CTNND2: variants seen among roughly 807,000 people sequenced by gnomAD.
The protein encoded by CTNND2 is catenin delta 2.
In CTNND2, 22 loss-of-function variants were observed where a neutral mutation model predicts 144.4. The observed-to-expected ratio is 0.15, with a 90% CI of 0.11 to 0.22. The LOEUF (loss-of-function observed/expected upper bound fraction) is 0.22. CTNND2 is among the 10% of genes least tolerant of loss of function. The probability of loss-of-function intolerance (pLI) is 1.00; values close to 1 mark genes in which losing one functional copy is unlikely to be tolerated. For synonymous variants in CTNND2, 751 were observed against 695.6 expected, an observed-to-expected ratio of 1.08 and a Z score of -1.25; for missense variants, 1,353 against 1,618.8, an observed-to-expected ratio of 0.84 and a Z score of 2.82.
intron 1 of CTNND2, among the ~76,000 whole-genome samples, chr5:11,778,777 G>A (rs562532989): frequency 6.6e-6 from 1 of 152,192 alleles, no homozygotes. Flanking sequence ...GCTACACTTA[G>A]TAATAATGCA....
At chr5:11,434,804 G>T (rs1763613058) in intron 3 of CTNND2, among the ~76,000 whole-genome samples, 1 of 152,062 alleles carries the variant, frequency 6.6e-6, no homozygotes, top group Admixed American at 6.5e-5. Context: ...TAATAGTATA[G>T]GAAAAGAATG....
intron 1 of CTNND2, among the ~76,000 whole-genome samples, chr5:11,787,120 T>C (rs923441176): frequency 6.6e-6 from 1 of 152,214 alleles, no homozygotes; most frequent in Admixed American, 6.5e-5. Flanking sequence ...GGACAAGTTA[T>C]TAAAGTCCCT....
intron 1 of CTNND2, among the ~76,000 whole-genome samples, chr5:11,872,407 G>A (rs1002804043): frequency 6.6e-6 from 1 of 152,250 alleles, no homozygotes; most frequent in Admixed American, 6.5e-5. Context: ...CCAGTAATGG[G>A]ATGGCTGCAT....
At chr5:11,654,854 C>T (rs907595814) in intron 2 of CTNND2, among the ~76,000 whole-genome samples, 2 of 152,026 alleles carry the variant, frequency 1.3e-5, no homozygotes, top group African/African-American at 4.8e-5. Context: ...AGCTTAGTTC[C>T]ATCCACTGTC....
chr5:11,768,303 G>GTTTTC (rs1789713378), intron 1 of CTNND2, among the ~76,000 whole-genome samples: 1 of 151,508 alleles, frequency 6.6e-6, no homozygotes, highest in South Asian at 2.1e-4. Flanking sequence ...GTTTTGTTTT[G>GTTTTC]TTTTGTGACA....
At chr5:11,335,313 T>C (rs1051749306) in intron 9 of CTNND2, among the ~76,000 whole-genome samples, 3 of 152,222 alleles carry the variant, frequency 2.0e-5, no homozygotes, top group Admixed American at 6.5e-5. Flanking sequence ...CAAGAAGCAA[T>C]GGAAATTAAT....
intron 1 of CTNND2, among the ~76,000 whole-genome samples, chr5:11,807,630 T>A (rs1446808524): frequency 6.6e-6 from 1 of 152,116 alleles, no homozygotes; most frequent in Non-Finnish European, 1.5e-5. Context: ...AATACAACCT[T>A]AGAATTGTGA....
chr5:11,001,522 G>T (rs931180265), intron 18 of CTNND2, among the ~76,000 whole-genome samples: 1 of 148,790 alleles, frequency 6.7e-6, no homozygotes, highest in Non-Finnish European at 1.5e-5. Context: ...AATGATTTAA[G>T]ATGACAGTAT....
At chr5:11,736,317 C>T (rs1787680547) in intron 1 of CTNND2, among the ~76,000 whole-genome samples, 1 of 152,166 alleles carries the variant, frequency 6.6e-6, no homozygotes, top group South Asian at 2.1e-4. Flanking sequence ...AATAATTAGG[C>T]CTGTTTATCT....
chr5:11,579,962 G>A (rs1211684793), intron 2 of CTNND2, among the ~76,000 whole-genome samples: 1 of 152,120 alleles, frequency 6.6e-6, no homozygotes, highest in Non-Finnish European at 1.5e-5. Context: ...TTCCCTTGCT[G>A]TTCAAGTGGG....
At chr5:11,070,806 C>G (rs1199500040) in intron 16 of CTNND2, among the ~76,000 whole-genome samples, 1 of 152,018 alleles carries the variant, frequency 6.6e-6, no homozygotes. Flanking sequence ...CAGACTTGCA[C>G]TATAAAAAGT....
At chr5:11,793,405 A>G (rs1338869864) in intron 1 of CTNND2, among the ~76,000 whole-genome samples, 3 of 152,182 alleles carry the variant, frequency 2.0e-5, no homozygotes, top group African/African-American at 7.2e-5. Flanking sequence ...TCATATGTTG[A>G]AGTCCTAACC....
chr5:11,464,957 G>A (rs541826689), intron 3 of CTNND2, among the ~76,000 whole-genome samples: 1 of 152,258 alleles, frequency 6.6e-6, no homozygotes, highest in South Asian at 2.1e-4. Context: ...GTTATTGTGA[G>A]TATGGGCTGA....
intron 9 of CTNND2, among the ~76,000 whole-genome samples, chr5:11,247,069 T>C (rs1179761418): frequency 6.6e-6 from 1 of 152,222 alleles, no homozygotes; most frequent in Non-Finnish European, 1.5e-5. Flanking sequence ...TGTGTGCATC[T>C]ATTGACTCTC....
At chr5:11,501,348 C>T (rs913215585) in intron 3 of CTNND2, among the ~76,000 whole-genome samples, 3 of 152,192 alleles carry the variant, frequency 2.0e-5, no homozygotes, top group African/African-American at 7.2e-5. Context: ...GATCCCTACT[C>T]CTGCGAGAAT....
intron 12 of CTNND2, among the ~76,000 whole-genome samples, chr5:11,158,199 T>C (rs58837478): frequency 6.6e-6 from 1 of 152,146 alleles, no homozygotes; most frequent in Non-Finnish European, 1.5e-5. Flanking sequence ...ACTGTGAAAG[T>C]AGGGAATGCT....
chr5:11,685,578 T>C (rs897556649), intron 2 of CTNND2, among the ~76,000 whole-genome samples: 4 of 152,226 alleles, frequency 2.6e-5, no homozygotes, highest in African/African-American at 4.8e-5. Flanking sequence ...ATAAGGATTA[T>C]ATTATTAAAC....
chr5:11,243,046 T>C (rs1742623303), intron 9 of CTNND2, among the ~76,000 whole-genome samples: 1 of 152,244 alleles, frequency 6.6e-6, no homozygotes, highest in African/African-American at 2.4e-5. Context: ...ATCTATGTAA[T>C]ACCGCTGAAG....
chr5:11,535,014 C>T (rs184532847), intron 3 of CTNND2, among the ~76,000 whole-genome samples: 19 of 152,150 alleles, frequency 1.2e-4, no homozygotes, highest in East Asian at 1.9e-4. Flanking sequence ...TGACGAAACA[C>T]GTTCTCTACT....
Sources: gnomAD v4.1 joint callset for allele counts (sites outside exome capture counted in the v4.1 genomes callset) on GRCh38, gnomAD v4.1.1 for gene constraint, MANE v1.5 for transcripts, NCBI Gene and HGNC (gene_info 2026-07-23, HGNC 2026-07-21) for gene names.